Variants in LDB2 observed in about 807,000 individuals in gnomAD.
LDB2 encodes the protein LIM domain-binding protein 2.
A neutral mutation model predicts 44.3 loss-of-function variants in LDB2; 12 were observed. That is an observed-to-expected ratio of 0.27 (90% CI 0.17 to 0.44). The LOEUF is 0.44. Ranked by LOEUF, LDB2 falls within the 20% of genes least tolerant of loss-of-function variation. The probability of loss-of-function intolerance (pLI) is 1.00; values close to 1 mark genes in which losing one functional copy is unlikely to be tolerated. For synonymous variants in LDB2, 164 were observed against 174.8 expected (o/e 0.94, Z 0.49); for missense variants, 344 against 473.5 (o/e 0.73, Z 2.54).
intron 2 of LDB2, among the ~76,000 whole-genome samples, chr4:16,604,883 C>T (rs1001545286): frequency 2.0e-5 from 3 of 152,128 alleles, no homozygotes; most frequent in Non-Finnish European, 2.9e-5. Flanking sequence ...CACACATATA[C>T]CACATTTTTG....
chr4:16,588,978 A>G, intron 3 of LDB2, 146 bp from the exon 4 acceptor site: 4 of 746,888 alleles, frequency 5.4e-6, no homozygotes, highest in Non-Finnish European at 8.9e-6. Flanking sequence ...TGATGTGTCC[A>G]CTGCACACGG....
At chr4:16,586,910 AT>A (rs1322648526) in intron 4 of LDB2, among the ~76,000 whole-genome samples, 1 of 152,238 alleles carries the variant, frequency 6.6e-6, no homozygotes, top group Non-Finnish European at 1.5e-5. Flanking sequence ...AGACTAGATT[AT>A]ACTAATGTGA....
intron 1 of LDB2, among the ~76,000 whole-genome samples, chr4:16,795,746 TC>T (rs1776613461): frequency 6.6e-6 from 1 of 152,118 alleles, no homozygotes; most frequent in Non-Finnish European, 1.5e-5. Flanking sequence ...CTCAGGAGTC[TC>T]CCCCACCACC....
chr4:16,580,385 A>G (rs1239458919), intron 5 of LDB2, among the ~76,000 whole-genome samples: 1 of 152,234 alleles, frequency 6.6e-6, no homozygotes, highest in Non-Finnish European at 1.5e-5. Flanking sequence ...GACTGAGAGG[A>G]TCATGATATC....
intron 1 of LDB2, among the ~76,000 whole-genome samples, chr4:16,862,981 C>T (rs374783447): frequency 1.8e-4 from 27 of 152,216 alleles, no homozygotes; most frequent in African/African-American, 5.1e-4. Flanking sequence ...TGAGTAAGGG[C>T]GCCATCCATC....
intron 2 of LDB2, among the ~76,000 whole-genome samples, chr4:16,749,580 AT>A (rs1471184818): frequency 0.015 from 1,884 of 123,546 alleles, 35 homozygotes; most frequent in East Asian, 0.087. Flanking sequence ...AAATAAAAAA[AT>A]AAAAAAAAAT....
intron 2 of LDB2, among the ~76,000 whole-genome samples, chr4:16,601,115 AAC>A (rs1194693031): frequency 1.3e-5 from 2 of 152,208 alleles, no homozygotes; most frequent in Non-Finnish European, 2.9e-5. Context: ...AAAGGATTAC[AAC>A]ATAAACCTGG....
At chr4:16,531,362 C>G (rs1477955414) in intron 5 of LDB2, among the ~76,000 whole-genome samples, 1 of 152,246 alleles carries the variant, frequency 6.6e-6, no homozygotes, top group African/African-American at 2.4e-5. Context: ...CAGGAAACAA[C>G]AATTTCTCAT....
chr4:16,650,459 T>C (rs1429956384), intron 2 of LDB2, among the ~76,000 whole-genome samples: 2 of 152,186 alleles, frequency 1.3e-5, no homozygotes, highest in African/African-American at 4.8e-5. Flanking sequence ...GTGCTGGGGT[T>C]ACAAAGAATC....
At chr4:16,696,741 C>T (rs985237515) in intron 2 of LDB2, among the ~76,000 whole-genome samples, 2 of 152,188 alleles carry the variant, frequency 1.3e-5, no homozygotes, top group Admixed American at 6.5e-5. Context: ...AGTGGTCATA[C>T]TCATTCCATG....
intron 2 of LDB2, among the ~76,000 whole-genome samples, chr4:16,748,442 AC>A (rs1468702907): frequency 1.3e-5 from 2 of 152,236 alleles, no homozygotes; most frequent in Non-Finnish European, 2.9e-5. Flanking sequence ...CCTTGATTAA[AC>A]AATAAATAAA....
chr4:16,766,608 C>T (rs1423462258), intron 1 of LDB2, among the ~76,000 whole-genome samples: 1 of 151,276 alleles, frequency 6.6e-6, no homozygotes, highest in South Asian at 2.1e-4. Context: ...TGTGTTCAAG[C>T]GATTCTCCTG....
intron 2 of LDB2, chr4:16,674,452 C>T (rs887596003): frequency 2.5e-6 from 1 of 400,466 alleles, no homozygotes. Flanking sequence ...TGAGTGTCCA[C>T]GTATTGGGCT....
Position 16,790,942 on chromosome 4 carries a change from C to T in LDB2, c.133-31682G>A, listed in dbSNP as rs10489107. On this transcript the variant is annotated intron_variant, in intron 1 of 7. Transcript: ENST00000304523. ...AGGACTTAGGCTGTGTGGATGAGAG[C>T]TATACATACAGGCACACCAGGCCCT... Among the ~76,000 whole-genome samples, 897 of 152,244 alleles carry T rather than the reference C, an allele frequency of 5.9e-3. 2 individuals are homozygous for T. Among genetic ancestry groups the T allele is most frequent in the Non-Finnish European group, 9.4e-3 (642 of 68,016 alleles).
chr4:16,561,636 A>G (rs1313434174), intron 5 of LDB2, among the ~76,000 whole-genome samples: 4 of 152,204 alleles, frequency 2.6e-5, no homozygotes, highest in Non-Finnish European at 5.9e-5. Context: ...GAAAATGGCC[A>G]TACTGCCCAA....
intron 1 of LDB2, among the ~76,000 whole-genome samples, chr4:16,814,941 A>C (rs1780636203): frequency 6.6e-6 from 1 of 152,248 alleles, no homozygotes; most frequent in African/African-American, 2.4e-5. Context: ...TCCATTCAAA[A>C]GCAAAAGTAT....
intron 5 of LDB2, among the ~76,000 whole-genome samples, chr4:16,545,534 G>A (rs564225375): frequency 6.6e-6 from 1 of 152,226 alleles, no homozygotes; most frequent in East Asian, 1.9e-4. Context: ...GTCTCATTCT[G>A]GATAAATCCG....
chr4:16,627,993 C>T (rs1730776693), intron 2 of LDB2, among the ~76,000 whole-genome samples: 1 of 152,108 alleles, frequency 6.6e-6, no homozygotes, highest in Admixed American at 6.5e-5. Flanking sequence ...CCCTTTTCAC[C>T]ATGCCTGCAC....
rs71181192 is a variant in LDB2, at chr4:16,844,087, TAAAAA to T, written c.132+54262_132+54266del. 3.1e-3 allele frequency among the ~76,000 whole-genome samples: 363 copies of T among 117,832 alleles called. 3 individuals are homozygous for T. Among genetic ancestry groups the T allele is most frequent in the African/African-American group, 0.012 (347 of 30,134 alleles). The allele number at this position is 117,832 out of a possible 152,430, so 77.3% of individuals were successfully genotyped here. A position where few individuals can be genotyped will look rare whatever the true frequency, so the allele number is the denominator to read the frequency against. On this transcript the variant is annotated intron_variant, in intron 1 of 7. Transcript: ENST00000304523. The stretch of plus-strand genomic sequence containing the variant: ...GGGCAACATAGCAAGACCCCATCTC[TAAAAA>T]AAAAAAAAAAAAAAATTAGCTGGGC...
Sources: allele counts gnomAD v4.1 joint callset (sites outside exome capture counted in the v4.1 genomes callset), GRCh38; gene constraint gnomAD v4.1.1; transcripts MANE v1.5; gene names NCBI Gene and HGNC (gene_info 2026-07-23, HGNC 2026-07-21).